Variants in PKHD1 observed in about 807,000 individuals in gnomAD.
PKHD1 encodes the protein fibrocystin.
PKHD1 carries 291 observed loss-of-function variants against 412.0 expected under a neutral mutation model. The observed-to-expected ratio is 0.71, with a 90% CI of 0.64 to 0.78. PKHD1 has a LOEUF of 0.78. Among genes scored for constraint, PKHD1 ranks in the 30% least tolerant of loss-of-function variants. The pLI is 0.00. For synonymous variants in PKHD1, 1,777 were observed against 1,821.5 expected (o/e 0.98, Z 0.62); for missense variants, 4,825 against 4,950.7 (o/e 0.97, Z 0.76).
At chr6:51,976,809 G>A (rs1050785122) in intron 35 of PKHD1, among the ~76,000 whole-genome samples, 1 of 152,008 alleles carries the variant, frequency 6.6e-6, no homozygotes, top group African/African-American at 2.4e-5. Flanking sequence ...TTAGCTGAGT[G>A]TGGTGGCACA....
chr6:51,895,029 C>A (rs1779682234), intron 43 of PKHD1, among the ~76,000 whole-genome samples: 1 of 152,216 alleles, frequency 6.6e-6, no homozygotes, highest in African/African-American at 2.4e-5. Flanking sequence ...CACATACACA[C>A]AAATACATGC....
intron 51 of PKHD1, among the ~76,000 whole-genome samples, chr6:51,833,430 T>C (rs543961458): frequency 6.6e-6 from 1 of 152,312 alleles, no homozygotes; most frequent in South Asian, 2.1e-4. Context: ...TTCAGTCTCC[T>C]GTCAGAGTTA....
intron 35 of PKHD1, among the ~76,000 whole-genome samples, chr6:51,981,296 G>A (rs1427358231): frequency 2.6e-5 from 3 of 115,876 alleles, no homozygotes; most frequent in Non-Finnish European, 5.5e-5. Context: ...TTTTAGAGAG[G>A]CTCCAAAGCT....
intron 27 of PKHD1, among the ~76,000 whole-genome samples, chr6:52,036,179 G>T (rs1317498452): frequency 2.0e-5 from 3 of 152,176 alleles, no homozygotes; most frequent in Non-Finnish European, 4.4e-5. Flanking sequence ...TTGCAGTATG[G>T]TCCCTGAGCT....
chr6:51,906,296 C>A lies in PKHD1; in HGVS notation c.6727G>T (p.Gly2243Cys). The A allele has an allele frequency of 1.2e-6, 2 of 1,609,428 alleles. No homozygotes were observed. The highest frequency in any genetic ancestry group is 1.7e-6 in the Non-Finnish European group (2 of 1,176,008). The change falls in exon 41 of 67, where the codon GGC (glycine) becomes TGC (cysteine). Residue 2243 changes from glycine to cysteine, a missense_variant. Physicochemically the swap from Gly to Cys is radical, Grantham distance 159. Coordinates refer to ENST00000371117, the MANE Select transcript of PKHD1 (RefSeq NM_138694.4). ...CCCAAGGTCCCGCACATGCTGAGGC[C>A]TCTACTGAAGGAGTTCCTCACTGTG... Reference protein sequence around the residue: ...GCTVRNSFSRGLSMCGTLGLK... With the variant: ...GCTVRNSFSRCLSMCGTLGLK...
At chr6:51,886,225 A>C (rs1442006678) in intron 44 of PKHD1, among the ~76,000 whole-genome samples, 1 of 152,120 alleles carries the variant, frequency 6.6e-6, no homozygotes, top group Non-Finnish European at 1.5e-5. Flanking sequence ...GGGGCTCTGC[A>C]TATTTGGAAG....
At chr6:51,848,528 C>A (rs1215539561) in intron 49 of PKHD1, among the ~76,000 whole-genome samples, 1 of 152,144 alleles carries the variant, frequency 6.6e-6, no homozygotes, top group African/African-American at 2.4e-5. Context: ...CAGTAGCTTG[C>A]CCCATATCAC....
chr6:51,933,958 A>G, intron 37 of PKHD1, 152 bp downstream of exon 37: 2 of 697,730 alleles, frequency 2.9e-6, no homozygotes, highest in Non-Finnish European at 2.6e-6. Context: ...ATGAATCGTA[A>G]CAGTTTTACT....
At chr6:51,647,466 G>A (rs1770250397) in intron 63 of PKHD1, among the ~76,000 whole-genome samples, 1 of 152,128 alleles carries the variant, frequency 6.6e-6, no homozygotes, top group South Asian at 2.1e-4. Flanking sequence ...AGTGGAGCTG[G>A]CAGTGGTGCT....
In PKHD1 at chr6:52,084,731, C is replaced by T. The variant is rs182442275; in HGVS notation, c.52+151G>A. 1.7e-4 allele frequency: 119 copies of T among 706,776 alleles called. No homozygotes were observed. In the East Asian group the frequency reaches 2.8e-3, roughly 17 times the overall value. 43.8% of individuals were successfully genotyped at this position (706,776 alleles called of 1,614,324 possible). ...AATACCTTAACACCTGCTCTGAAAA[C>T]AGTATTTTTAACTCAATTTTTTGAT... On this transcript the variant is annotated intron_variant, in intron 2 of 66. Coordinates refer to ENST00000371117, the MANE Select transcript of PKHD1 (RefSeq NM_138694.4).
chr6:51,826,084 T>C (rs1377445036), intron 52 of PKHD1, among the ~76,000 whole-genome samples: 2 of 151,300 alleles, frequency 1.3e-5, no homozygotes, highest in Non-Finnish European at 3.0e-5. Context: ...ATCACAAGAT[T>C]TCATAGAATT....
At chr6:51,704,620 CTG>C (rs1779805060) in intron 60 of PKHD1, among the ~76,000 whole-genome samples, 1 of 152,042 alleles carries the variant, frequency 6.6e-6, no homozygotes, top group Admixed American at 6.6e-5. Context: ...CTTTGTGACT[CTG>C]TGAAGGATGG....
intron 65 of PKHD1, among the ~76,000 whole-genome samples, chr6:51,631,927 C>CTT (rs1277193806): frequency 0.019 from 2,618 of 137,438 alleles, 62 homozygotes; most frequent in African/African-American, 0.028. Flanking sequence ...TCCCCGGATT[C>CTT]TTTTTTTTTT....
intron 35 of PKHD1, among the ~76,000 whole-genome samples, chr6:51,967,768 T>G (rs1793048130): frequency 6.6e-6 from 1 of 152,092 alleles, no homozygotes; most frequent in Non-Finnish European, 1.5e-5. Flanking sequence ...CATGCTAGCC[T>G]TTTTCACAAG....
chr6:51,758,220 A>G (rs2151041793), intron 55 of PKHD1, among the ~76,000 whole-genome samples: 1 of 152,258 alleles, frequency 6.6e-6, no homozygotes, highest in African/African-American at 2.4e-5. Flanking sequence ...ATTAAAATGT[A>G]TCTTTCCTCT....
At chr6:51,950,051 G>A (rs1790077175) in intron 36 of PKHD1, among the ~76,000 whole-genome samples, 1 of 151,490 alleles carries the variant, frequency 6.6e-6, no homozygotes, top group African/African-American at 2.4e-5. Flanking sequence ...TATTTTAATT[G>A]TAATGTCTCT....
At chr6:51,786,263 G>A (rs1477814183) in intron 53 of PKHD1, among the ~76,000 whole-genome samples, 2 of 151,966 alleles carry the variant, frequency 1.3e-5, no homozygotes, top group Admixed American at 1.3e-4. Context: ...TTCTCACTAG[G>A]TTCTAGTGAT....
At position 52,038,578 on chromosome 6, in the gene PKHD1, A is replaced by G. The variant is rs140285679; in HGVS notation, c.3098-2857T>C. 6.0e-4 allele frequency among the ~76,000 whole-genome samples: 92 copies of G among 152,180 alleles called. 1 individual carries two copies. The East Asian group carries it at 0.017, about 28-fold the overall frequency. On this transcript the variant is annotated intron_variant, in intron 27 of 66. Coordinates refer to ENST00000371117, the MANE Select transcript of PKHD1 (RefSeq NM_138694.4). ...CTTCCTCAAAGTTTGGTTCAGAAGG[A>G]ACCAACACTCCTGACACCTTCATCT...
At chr6:51,668,506 C>A (rs1395095372) in intron 60 of PKHD1, among the ~76,000 whole-genome samples, 1 of 152,132 alleles carries the variant, frequency 6.6e-6, no homozygotes, top group Non-Finnish European at 1.5e-5. Context: ...GACAATTTGA[C>A]TTCCTCTTTT....
Sources: allele counts gnomAD v4.1 joint callset (sites outside exome capture counted in the v4.1 genomes callset), GRCh38; gene constraint gnomAD v4.1.1; transcripts MANE v1.5; gene names NCBI Gene and HGNC (gene_info 2026-07-23, HGNC 2026-07-21).